PRUNE2: variants seen among roughly 807,000 people sequenced by gnomAD.
PRUNE2 encodes protein prune homolog 2.
In PRUNE2, 164 loss-of-function variants were observed where a neutral mutation model predicts 252.0. The ratio of observed to expected loss-of-function variants is 0.65; its 90% CI spans 0.57 to 0.74. The LOEUF (loss-of-function observed/expected upper bound fraction) is 0.74. PRUNE2 is among the 30% of genes least tolerant of loss of function. The pLI, the probability that PRUNE2 is intolerant of heterozygous loss-of-function variation, is 0.00. For synonymous variants in PRUNE2, 1,292 were observed against 1,350.2 expected, an observed-to-expected ratio of 0.96 and a Z score of 0.94; for missense variants, 3,495 against 3,711.0, an observed-to-expected ratio of 0.94 and a Z score of 1.51.
chr9:76,643,550 A>G (rs1843468665), intron 12 of PRUNE2, among the ~76,000 whole-genome samples: 1 of 152,152 alleles, frequency 6.6e-6, no homozygotes, highest in South Asian at 2.1e-4. Context: ...GATGGGGCCA[A>G]CTCTCATTCT....
chr9:76,673,889 T>C (rs1390794559), intron 9 of PRUNE2, among the ~76,000 whole-genome samples: 1 of 152,138 alleles, frequency 6.6e-6, no homozygotes, highest in Non-Finnish European at 1.5e-5. Context: ...AAATTAGGTA[T>C]TGATGGGACA....
chr9:76,876,700 A>C (rs1482552644), intron 1 of PRUNE2, among the ~76,000 whole-genome samples: 1 of 152,096 alleles, frequency 6.6e-6, no homozygotes, highest in Non-Finnish European at 1.5e-5. Context: ...TGTTTCTAAT[A>C]CCGCTGCTAG....
At chr9:76,650,291 A>G (rs1484246595) in intron 11 of PRUNE2, among the ~76,000 whole-genome samples, 1 of 150,306 alleles carries the variant, frequency 6.7e-6, no homozygotes, top group Non-Finnish European at 1.5e-5. Flanking sequence ...TATATAATAT[A>G]TAATGAAACA....
At chr9:76,749,223 G>A (rs1428318598) in intron 6 of PRUNE2, among the ~76,000 whole-genome samples, 1 of 152,164 alleles carries the variant, frequency 6.6e-6, no homozygotes, top group South Asian at 2.1e-4. Context: ...GCCATCAGCT[G>A]GTACAAAGAC....
In PRUNE2 at chr9:76,704,050, G is replaced by A. The variant is rs748002725; in HGVS notation, c.7563C>T (p.Thr2521=). 4 of 1,603,720 alleles carry A rather than the reference G, an allele frequency of 2.5e-6. No individual in the cohort carries two copies. Among genetic ancestry groups the A allele is most frequent in the Admixed American group, 1.8e-5 (1 of 56,822 alleles). ...CTGATTTTATCTGCTCAGGCTCTTT[G>A]GTAGGAATTGTTTTTTCTTCTTCCA... ...SELEEEKTIP[T]KEPEQIKSEY... The change falls in exon 9 of 19, where the codon ACC becomes ACT. Residue 2521 remains threonine, a synonymous_variant. Coordinates refer to ENST00000376718, the MANE Select transcript of PRUNE2 (RefSeq NM_015225.3).
chr9:76,707,535 T>G lies in PRUNE2; in HGVS notation c.4739A>C (p.Asn1580Thr). Residue 1580 changes from asparagine (N) to threonine (T), a missense_variant, in exon 8 of 19, where the codon AAT becomes ACT. Coordinates refer to ENST00000376718, the MANE Select transcript of PRUNE2 (RefSeq NM_015225.3). ...EENQGNWSEQNHQESELITTD... is the reference protein window; with the variant it reads ...EENQGNWSEQTHQESELITTD... ...GGTAATTAGTTCAGATTCTTGGTGATTCTGTTCACTCCAGTTGCCTTGGTT... is the reference window on the plus strand; with the variant it reads ...GGTAATTAGTTCAGATTCTTGGTGAGTCTGTTCACTCCAGTTGCCTTGGTT... The G allele has an allele frequency of 3.7e-6, 6 of 1,613,980 alleles. No homozygotes were observed. Among genetic ancestry groups the G allele is most frequent in the Non-Finnish European group, 5.1e-6 (6 of 1,179,868 alleles).
intron 6 of PRUNE2, among the ~76,000 whole-genome samples, chr9:76,774,453 T>TATTTA (rs370472844): frequency 8.2e-6 from 1 of 122,224 alleles, no homozygotes; most frequent in Non-Finnish European, 1.8e-5. Flanking sequence ...TTCAACCCTT[T>TATTTA]TTTTTTTTTT....
At chr9:76,831,131 A>T (rs113762064) in intron 4 of PRUNE2, among the ~76,000 whole-genome samples, 1 of 152,092 alleles carries the variant, frequency 6.6e-6, no homozygotes, top group Non-Finnish European at 1.5e-5. Flanking sequence ...GGGTTTCACC[A>T]TGTTAGCCAG....
At chr9:76,876,675 TC>T (rs2061494337) in intron 1 of PRUNE2, among the ~76,000 whole-genome samples, 2 of 152,232 alleles carry the variant, frequency 1.3e-5, no homozygotes, top group African/African-American at 4.8e-5. Context: ...CACCTGCCAG[TC>T]ATTCTAACTC....
At chr9:76,855,623 C>T (rs563817744) in intron 1 of PRUNE2, among the ~76,000 whole-genome samples, 1 of 152,276 alleles carries the variant, frequency 6.6e-6, no homozygotes, top group Non-Finnish European at 1.5e-5. Flanking sequence ...GTTAGTCTAT[C>T]ATTATAGACA....
At chr9:76,769,645 G>A (rs892976940) in intron 6 of PRUNE2, among the ~76,000 whole-genome samples, 1 of 152,148 alleles carries the variant, frequency 6.6e-6, no homozygotes, top group African/African-American at 2.4e-5. Context: ...GGCTGGACTC[G>A]AACTCCCGAC....
intron 2 of PRUNE2, among the ~76,000 whole-genome samples, chr9:76,851,923 C>T (rs2059983402): frequency 6.6e-6 from 1 of 152,160 alleles, no homozygotes; most frequent in South Asian, 2.1e-4. Flanking sequence ...ATAATCCTAA[C>T]TATCAATGAG....
At chr9:76,789,673 A>T (rs10869820) in intron 6 of PRUNE2, among the ~76,000 whole-genome samples, 3 of 151,980 alleles carry the variant, frequency 2.0e-5, no homozygotes, top group African/African-American at 7.3e-5. Flanking sequence ...TTCCCCACAC[A>T]CTTATGGCTG....
At position 76,706,137 on chromosome 9, in the gene PRUNE2, C is replaced by T. The variant is rs765235525; in HGVS notation, c.6137G>A (p.Gly2046Asp). The T allele has an allele frequency of 6.2e-7, 1 of 1,613,988 alleles. No individual in the cohort carries two copies. Among genetic ancestry groups the T allele is most frequent in the Admixed American group, 1.7e-5 (1 of 60,018 alleles). Residue 2046 changes from glycine to aspartate, a missense_variant, in exon 8 of 19, where the codon GGT becomes GAT. Gly to Asp is a moderately conservative substitution (Grantham distance 94, BLOSUM62 -1). Coordinates refer to ENST00000376718, the MANE Select transcript of PRUNE2 (RefSeq NM_015225.3). ...DGSTPSEDSRGTFVPDILHGN... is the reference protein window; with the variant it reads ...DGSTPSEDSRDTFVPDILHGN... ...ATGTAAAATATCTGGCACAAAGGTA[C>T]CTCGGGAGTCCTCACTTGGGGTAGA... is the stretch of plus-strand genomic sequence containing the variant.
chr9:76,868,218 ATAG>A (rs918198463), intron 1 of PRUNE2, among the ~76,000 whole-genome samples: 3 of 152,226 alleles, frequency 2.0e-5, no homozygotes, highest in Non-Finnish European at 2.9e-5. Flanking sequence ...TAGGACATTT[ATAG>A]TAACTTATAT....
chr9:76,656,367 C>G lies in PRUNE2; in HGVS notation c.8277-865G>C, dbSNP rs117720606. On this transcript the variant is annotated intron_variant, in intron 9 of 18. Transcript: ENST00000376718. ...GTGAGTTTCACGTAATTTCATTCACCTAGGGTGAGTCCTTATGATGTGGGC... is the reference window on the plus strand; with the variant it reads ...GTGAGTTTCACGTAATTTCATTCACGTAGGGTGAGTCCTTATGATGTGGGC... Among the ~76,000 whole-genome samples, 971 of 152,238 alleles carry G rather than the reference C, an allele frequency of 6.4e-3. 9 individuals are homozygous for G. The highest frequency in any genetic ancestry group is 0.01 in the Non-Finnish European group (684 of 68,016).
chr9:76,838,710 C>T (rs543892344), intron 4 of PRUNE2, among the ~76,000 whole-genome samples: 1 of 118,710 alleles, frequency 8.4e-6, no homozygotes, highest in East Asian at 2.2e-4. Context: ...ATGGGGTACA[C>T]ACAGTGATGT....
In PRUNE2 at chr9:76,850,476, T is replaced by G. The variant is rs751103819; in HGVS notation, c.331A>C (p.Ser111Arg). Reference protein sequence around the residue: ...GKLSITLVGSSVLASEDKTLE... With the variant: ...GKLSITLVGSRVLASEDKTLE... ...AGTGGATCTTACCTCGCCAGCACAC[T>G]GCTGCCAACAAGTGTTATCGATAAC... The change falls in exon 3 of 19, where the codon AGT (serine) becomes CGT (arginine). Residue 111 changes from serine (S) to arginine (R), a missense_variant. Transcript: ENST00000376718. The G allele has an allele frequency of 2.5e-6, 4 of 1,613,920 alleles. No individual in the cohort carries two copies. The South Asian group carries it at 4.4e-5, about 18-fold the overall frequency.
intron 9 of PRUNE2, among the ~76,000 whole-genome samples, chr9:76,662,225 T>C (rs2039231585): frequency 2.0e-5 from 3 of 152,232 alleles, no homozygotes; most frequent in Admixed American, 6.5e-5. Flanking sequence ...ATGCTATTTA[T>C]GCTAAATCTT....
Sources: gnomAD v4.1 joint callset for allele counts (sites outside exome capture counted in the v4.1 genomes callset) on GRCh38, gnomAD v4.1.1 for gene constraint, MANE v1.5 for transcripts, NCBI Gene and HGNC (gene_info 2026-07-23, HGNC 2026-07-21) for gene names.